DLC1: variants seen among roughly 807,000 people sequenced by gnomAD.
DLC1 encodes the protein DLC1 Rho GTPase activating protein, also known as rho GTPase-activating protein 7.
Under a neutral mutation model 140.3 loss-of-function variants are expected in DLC1, and 54 were observed. The ratio of observed to expected loss-of-function variants is 0.38; its 90% CI spans 0.31 to 0.48. DLC1 has a LOEUF of 0.48. Among genes scored for constraint, DLC1 ranks in the 20% least tolerant of loss-of-function variants. The pLI, the probability that DLC1 is intolerant of heterozygous loss-of-function variation, is 0.96. For synonymous variants in DLC1, 986 were observed against 728.1 expected (o/e 1.35, Z -5.70); for missense variants, 2,536 against 1,907.0 (o/e 1.33, Z -6.14).
At position 13,230,466 on chromosome 8, in the gene DLC1, A is replaced by C. The variant is rs139163275; in HGVS notation, c.1348+74803T>G. Among the ~76,000 whole-genome samples, 352 of 152,292 alleles carry C rather than the reference A, an allele frequency of 2.3e-3. 1 individual carries two copies. Among genetic ancestry groups the C allele is most frequent in the Non-Finnish European group, 3.2e-3 (221 of 68,018 alleles). On this transcript the variant is annotated intron_variant, in intron 5 of 17. Coordinates refer to ENST00000276297, the MANE Select transcript of DLC1 (RefSeq NM_182643.3). ...AGGTTAGGTGGCATGAATCCAGGAGAGCTAATATCACTCTTCCTCTTTCAG... is the reference window on the plus strand; with the variant it reads ...AGGTTAGGTGGCATGAATCCAGGAGCGCTAATATCACTCTTCCTCTTTCAG...
chr8:13,325,894 A>G (rs1025331060), intron 4 of DLC1, among the ~76,000 whole-genome samples: 2 of 152,186 alleles, frequency 1.3e-5, no homozygotes, highest in African/African-American at 4.8e-5. Context: ...TGTAACGATG[A>G]TTTTCTATAC....
intron 4 of DLC1, among the ~76,000 whole-genome samples, chr8:13,379,707 T>C (rs1836166589): frequency 6.6e-6 from 1 of 152,210 alleles, no homozygotes; most frequent in South Asian, 2.1e-4. Context: ...TACATAGGTA[T>C]AAATGTGCCA....
At chr8:13,553,204 A>ATATATATATATATATATATATG (rs1803922734) in intron 1 of DLC1, among the ~76,000 whole-genome samples, 2 of 34,778 alleles carry the variant, frequency 5.8e-5, no homozygotes, top group African/African-American at 1.1e-4. Context: ...GCCAGCTGTC[A>ATATATATATATATATATATATG]TATATATATA....
chr8:13,104,217 T>G (rs1819356100), intron 7 of DLC1, among the ~76,000 whole-genome samples: 1 of 152,112 alleles, frequency 6.6e-6, no homozygotes, highest in African/African-American at 2.4e-5. Context: ...GGTTCAAAAT[T>G]AAGCACTCAG....
At chr8:13,390,992 A>C (rs916795136) in intron 4 of DLC1, among the ~76,000 whole-genome samples, 1 of 72,906 alleles carries the variant, frequency 1.4e-5, no homozygotes, top group African/African-American at 4.9e-5. Flanking sequence ...CTCAAAAAAA[A>C]AAAGAAAAAA....
At chr8:13,243,331 A>C (rs1585989707) in intron 5 of DLC1, among the ~76,000 whole-genome samples, 4 of 142,668 alleles carry the variant, frequency 2.8e-5, no homozygotes, top group African/African-American at 5.2e-5. Flanking sequence ...GTAGCATTTC[A>C]CTCTTTGTCT....
At chr8:13,107,428 G>A (rs1448236876) in intron 7 of DLC1, among the ~76,000 whole-genome samples, 1 of 152,098 alleles carries the variant, frequency 6.6e-6, no homozygotes, top group Non-Finnish European at 1.5e-5. Flanking sequence ...AAGGGGAGGA[G>A]GTAGGTGGGA....
chr8:13,572,328 A>G (rs868106389), intron 1 of DLC1, among the ~76,000 whole-genome samples: 12 of 152,082 alleles, frequency 7.9e-5, no homozygotes, highest in Admixed American at 3.3e-4. Context: ...TGACCTTGTG[A>G]TCCACCTGCC....
chr8:13,517,722 A>T (rs1257509513), upstream of DLC1, among the ~76,000 whole-genome samples: 1 of 152,200 alleles, frequency 6.6e-6, no homozygotes, highest in Admixed American at 6.5e-5. Flanking sequence ...TAATCAAATA[A>T]GGGGACAGGG....
chr8:13,481,354 G>A (rs567300469), intron 2 of DLC1, among the ~76,000 whole-genome samples: 3 of 152,188 alleles, frequency 2.0e-5, no homozygotes, highest in Admixed American at 2.0e-4. Context: ...CTGAGTCTGG[G>A]AAGTTGAGGC....
chr8:13,506,516 T>C (rs1802071480), intron 1 of DLC1, among the ~76,000 whole-genome samples: 1 of 149,342 alleles, frequency 6.7e-6, no homozygotes, highest in Non-Finnish European at 1.5e-5. Context: ...GTTCTCCACC[T>C]ACTGCTTTAT....
chr8:13,590,293 C>G (rs1053849003), intron 1 of DLC1, among the ~76,000 whole-genome samples: 4 of 151,834 alleles, frequency 2.6e-5, no homozygotes, highest in Admixed American at 2.6e-4. Flanking sequence ...GCCATAAAAC[C>G]CACATCCCCA....
intron 5 of DLC1, among the ~76,000 whole-genome samples, chr8:13,167,320 G>T (rs1385095896): frequency 6.6e-6 from 1 of 152,120 alleles, no homozygotes; most frequent in East Asian, 1.9e-4. Flanking sequence ...AGCTTGCAAG[G>T]GAACTTAATC....
chr8:13,100,468 G>C lies in DLC1; in HGVS notation c.1869C>G (p.Ser623Arg). 1.2e-6 allele frequency: 2 copies of C among 1,613,362 alleles called. No individual in the cohort carries two copies. Among genetic ancestry groups the C allele is most frequent in the Non-Finnish European group, 1.7e-6 (2 of 1,180,012 alleles). ...AATPRTNSVI[S>R]VCSSSNLAGN... ...CTGCCAAGTTGCTGGAGGAGCAAAC[G>C]CTGATGACGGAGTTAGTCCGGGGGG... is the stretch of plus-strand genomic sequence containing the variant. The change falls in exon 9 of 18, where the codon AGC becomes AGG. Residue 623 changes from serine (S) to arginine (R), a missense_variant. Ser to Arg is a moderately radical substitution (Grantham distance 110). Transcript: ENST00000276297.
At chr8:13,370,722 C>T (rs138915300) in intron 4 of DLC1, among the ~76,000 whole-genome samples, 7 of 152,164 alleles carry the variant, frequency 4.6e-5, no homozygotes, top group African/African-American at 1.2e-4. Flanking sequence ...CTTTTGGCTA[C>T]GTTCTTAGGT....
intron 5 of DLC1, among the ~76,000 whole-genome samples, chr8:13,257,585 G>T (rs1830291330): frequency 6.6e-6 from 1 of 151,994 alleles, no homozygotes; most frequent in Admixed American, 6.6e-5. Context: ...TGATTAAAAT[G>T]CAGATTCTCG....
At chr8:13,201,896 A>G (rs1827399673) in intron 5 of DLC1, among the ~76,000 whole-genome samples, 1 of 146,634 alleles carries the variant, frequency 6.8e-6, no homozygotes, top group Admixed American at 6.8e-5. Context: ...TTTCTCCCCC[A>G]GGTACTAAGT....
intron 4 of DLC1, among the ~76,000 whole-genome samples, chr8:13,386,181 T>C (rs1347074983): frequency 1.3e-5 from 2 of 152,212 alleles, no homozygotes; most frequent in Non-Finnish European, 2.9e-5. Flanking sequence ...ACTATTCATA[T>C]GACTAAAGTC....
Position 13,100,750 on chromosome 8 carries a change from A to T in DLC1, c.1587T>A (p.Asp529Glu). 21 of 1,577,562 alleles carry T rather than the reference A, an allele frequency of 1.3e-5. No individual in the cohort carries two copies. The Middle Eastern group carries it at 6.8e-4, about 51-fold the overall frequency. The change falls in exon 9 of 18, where the codon GAT becomes GAA. Residue 529 changes from aspartate to glutamate, a missense_variant. Coordinates refer to ENST00000276297, the MANE Select transcript of DLC1 (RefSeq NM_182643.3). ...HRKRSDDSDE[D>E]EPCAISGKWT... ...ATTTGCCACTGATGGCACAAGGCTCATCCTCGTCTGAATCGTCACTCTGCA... is the reference window on the plus strand; with the variant it reads ...ATTTGCCACTGATGGCACAAGGCTCTTCCTCGTCTGAATCGTCACTCTGCA...
Sources: gnomAD v4.1 joint callset for allele counts (sites outside exome capture counted in the v4.1 genomes callset) on GRCh38, gnomAD v4.1.1 for gene constraint, MANE v1.5 for transcripts, NCBI Gene and HGNC (gene_info 2026-07-23, HGNC 2026-07-21) for gene names.